The following CPSF4L variants were observed in gnomAD, a reference collection of about 807,000 sequenced individuals.
CPSF4L encodes the protein cleavage and polyadenylation specific factor 4 like, also known as putative cleavage and polyadenylation specificity factor subunit 4-like protein.
In CPSF4L, 18 loss-of-function variants were observed where a neutral mutation model predicts 24.0. The ratio of observed to expected loss-of-function variants is 0.75; its 90% CI spans 0.52 to 1.11. The LOEUF is 1.11. CPSF4L is among the 50% of genes least tolerant of loss of function. The pLI is 0.00. For synonymous variants in CPSF4L, 72 were observed against 77.2 expected, an observed-to-expected ratio of 0.93 and a Z score of 0.35; for missense variants, 211 against 221.8, an observed-to-expected ratio of 0.95 and a Z score of 0.31.
chr17:73,250,991 C>A, intron 5 of CPSF4L: 1 of 1,544,970 alleles, frequency 6.5e-7, no homozygotes, highest in Non-Finnish European at 8.7e-7. Context: ...ACAGGCCCTG[C>A]CCTTGACCCC....
At chr17:73,261,888 A>T, upstream of CPSF4L, 2 of 1,182,720 alleles carry the variant, frequency 1.7e-6, no homozygotes, top group South Asian at 2.6e-5. Flanking sequence ...AGCTCATCAG[A>T]GGCCCTTAAG....
chr17:73,260,470 A>G (rs2062040996), intron 2 of CPSF4L, among the ~76,000 whole-genome samples: 1 of 152,190 alleles, frequency 6.6e-6, no homozygotes, highest in African/African-American at 2.4e-5. Context: ...CTGTAAGTCT[A>G]AAATTCTGCT....
intron 5 of CPSF4L, chr17:73,250,034 C>T (rs2061998182): frequency 2.1e-6 from 1 of 468,762 alleles, no homozygotes; most frequent in Non-Finnish European, 3.7e-6. Context: ...TTATGGATAA[C>T]TCGTTCCTGC....
downstream of CPSF4L, among the ~76,000 whole-genome samples, chr17:73,244,895 C>T (rs1168253423): frequency 6.6e-6 from 1 of 152,116 alleles, no homozygotes; most frequent in Non-Finnish European, 1.5e-5. Flanking sequence ...CCTTTCTGAT[C>T]GTCCTGCATA....
intron 5 of CPSF4L, 116 bp downstream of exon 5, chr17:73,252,514 T>C: frequency 2.8e-6 from 2 of 713,800 alleles, no homozygotes; most frequent in South Asian, 3.3e-5. Flanking sequence ...CTGGAGCGGA[T>C]GCTTGCCAGA....
chr17:73,246,131 G>C (rs142920555), downstream of CPSF4L, among the ~76,000 whole-genome samples: 950 of 152,300 alleles, frequency 6.2e-3, 6 homozygotes, highest in Middle Eastern at 0.058. Flanking sequence ...TTCTAACGTA[G>C]AGGGTTAGTT....
At chr17:73,258,012 CTT>C (rs549043197) in intron 2 of CPSF4L, among the ~76,000 whole-genome samples, 179 bp from the exon 3 acceptor site, 35 of 139,284 alleles carry the variant, frequency 2.5e-4, no homozygotes, top group Non-Finnish European at 2.4e-4. Flanking sequence ...GAAGGGAGAG[CTT>C]TTTTTTTTTT....
intron 5 of CPSF4L, among the ~76,000 whole-genome samples, chr17:73,252,166 CG>C (rs529126313): frequency 8.5e-4 from 129 of 152,246 alleles, no homozygotes; most frequent in African/African-American, 3.0e-3. Context: ...TCATGTAACT[CG>C]GGTTGAGTAA....
chr17:73,242,288 C>A, the CPSF4L span: 2 of 1,606,652 alleles, frequency 1.2e-6, no homozygotes, highest in East Asian at 2.2e-5. Flanking sequence ...GAGTTTGGAA[C>A]CCCCTGCCGG....
intron 4 of CPSF4L, 69 bp downstream of exon 4, chr17:73,253,862 C>G: frequency 2.9e-6 from 3 of 1,034,496 alleles, no homozygotes; most frequent in Non-Finnish European, 4.3e-6. Flanking sequence ...GAAAATGGCC[C>G]CTCCCCTGCT....
At chr17:73,256,408 G>A (rs1197320570) in intron 3 of CPSF4L, among the ~76,000 whole-genome samples, 2 of 152,182 alleles carry the variant, frequency 1.3e-5, no homozygotes, top group African/African-American at 4.8e-5. Context: ...TCCTTCTCAG[G>A]TACCCAGGAC....
chr17:73,262,799 C>T (rs2145287351), upstream of CPSF4L, among the ~76,000 whole-genome samples: 1 of 152,314 alleles, frequency 6.6e-6, no homozygotes, highest in East Asian at 1.9e-4. Context: ...AACCCATACG[C>T]CCTCCTTTCT....
intron 3 of CPSF4L, among the ~76,000 whole-genome samples, chr17:73,255,575 T>C (rs2062022069): frequency 1.3e-5 from 2 of 151,738 alleles, no homozygotes; most frequent in South Asian, 4.2e-4. Context: ...ACCACCATTC[T>C]TTCCCAGCCC....
intron 5 of CPSF4L, 87 bp downstream of exon 5, chr17:73,252,543 G>T: frequency 1.2e-6 from 1 of 819,336 alleles, no homozygotes; most frequent in Non-Finnish European, 2.1e-6. Context: ...TTTCCACTAA[G>T]GACCAGCGAA....
chr17:73,245,213 A>G, downstream of CPSF4L: 1 of 1,613,496 alleles, frequency 6.2e-7, no homozygotes. Context: ...CATCACTTAA[A>G]GCTCTGGAAC....
At chr17:73,247,197 T>C (rs778002456), downstream of CPSF4L, 12 of 1,569,600 alleles carry the variant, frequency 7.6e-6, no homozygotes, top group Middle Eastern at 3.5e-4. Flanking sequence ...ACAGAAACCA[T>C]ATGCCCTGAA....
At chr17:73,251,998 CAT>C (rs2062007760) in intron 5 of CPSF4L, among the ~76,000 whole-genome samples, 4 of 152,366 alleles carry the variant, frequency 2.6e-5, no homozygotes, top group Admixed American at 1.3e-4. Flanking sequence ...GGAACAACCA[CAT>C]ATATGTGTCC....
downstream of CPSF4L, among the ~76,000 whole-genome samples, chr17:73,245,970 T>G (rs2061945152): frequency 1.3e-5 from 2 of 152,110 alleles, no homozygotes. Context: ...GCTGGTGGGT[T>G]TTCTGTGTCT....
chr17:73,254,583 C>T (rs1022644800), intron 3 of CPSF4L, among the ~76,000 whole-genome samples: 3 of 152,188 alleles, frequency 2.0e-5, no homozygotes, highest in African/African-American at 7.2e-5. Flanking sequence ...GACCAAGTCT[C>T]AGGTTTAGTT....
Sources: allele counts gnomAD v4.1 joint callset (sites outside exome capture counted in the v4.1 genomes callset), GRCh38; gene constraint gnomAD v4.1.1; transcripts MANE v1.5; gene names NCBI Gene and HGNC (gene_info 2026-07-23, HGNC 2026-07-21).